Variants in DLG2 observed in about 807,000 individuals in gnomAD.
DLG2 encodes the protein discs large MAGUK scaffold protein 2.
Under a neutral mutation model 132.5 loss-of-function variants are expected in DLG2, and 45 were observed. The observed-to-expected ratio is 0.34, with a 90% CI of 0.27 to 0.44. DLG2 has a LOEUF of 0.44. DLG2 is among the 20% of genes least tolerant of loss of function. The probability of loss-of-function intolerance (pLI) is 1.00; values close to 1 mark genes in which losing one functional copy is unlikely to be tolerated. For synonymous variants in DLG2, 424 were observed against 419.6 expected (o/e 1.01, Z -0.13); for missense variants, 1,045 against 1,196.9 (o/e 0.87, Z 1.87).
At chr11:83,827,305 T>G (rs2053140611) in intron 17 of DLG2, among the ~76,000 whole-genome samples, 2 of 152,280 alleles carry the variant, frequency 1.3e-5, no homozygotes, top group South Asian at 4.1e-4. Context: ...ATAGTCTGTA[T>G]AGTGCTCATA....
chr11:85,249,045 C>A (rs1323548926), intron 4 of DLG2, among the ~76,000 whole-genome samples: 1 of 151,756 alleles, frequency 6.6e-6, no homozygotes, highest in Admixed American at 6.6e-5. Context: ...AAGAGTGTAG[C>A]CACTATAAGT....
intron 6 of DLG2, among the ~76,000 whole-genome samples, chr11:84,684,192 T>C (rs1363578221): frequency 6.6e-6 from 1 of 152,200 alleles, no homozygotes; most frequent in Non-Finnish European, 1.5e-5. Flanking sequence ...AAAAAATGTA[T>C]TGAAAGATCT....
intron 3 of DLG2, among the ~76,000 whole-genome samples, chr11:85,490,502 A>G (rs988740586): frequency 5.3e-5 from 8 of 152,060 alleles, no homozygotes; most frequent in African/African-American, 1.9e-4. Context: ...CAATGAAATG[A>G]AAAATTTGTT....
At chr11:83,920,956 T>C (rs1516625) in intron 15 of DLG2, among the ~76,000 whole-genome samples, 73,703 of 151,926 alleles carry the variant, frequency 0.49, 18,328 homozygotes, top group East Asian at 0.85. Flanking sequence ...GGTGTACTTT[T>C]CTCTGAAGCA....
chr11:85,016,795 T>G (rs893000690), intron 6 of DLG2, among the ~76,000 whole-genome samples: 1 of 152,128 alleles, frequency 6.6e-6, no homozygotes, highest in East Asian at 1.9e-4. Context: ...CTCAGTCTCC[T>G]AATAAAATTG....
intron 17 of DLG2, among the ~76,000 whole-genome samples, chr11:83,803,123 G>T (rs900704868): frequency 6.6e-6 from 1 of 152,050 alleles, no homozygotes; most frequent in African/African-American, 2.4e-5. Flanking sequence ...GAGTCCTAGG[G>T]TAATCAAATT....
intron 7 of DLG2, among the ~76,000 whole-genome samples, chr11:84,442,512 A>G (rs1273362672): frequency 3.3e-5 from 5 of 152,158 alleles, no homozygotes; most frequent in Non-Finnish European, 7.4e-5. Context: ...GGAACATCAC[A>G]CACTGAGGCC....
At chr11:84,248,153 G>T (rs2097327230) in intron 8 of DLG2, among the ~76,000 whole-genome samples, 1 of 152,114 alleles carries the variant, frequency 6.6e-6, no homozygotes, top group Non-Finnish European at 1.5e-5. Context: ...AGGAACAAAG[G>T]GGAGAGTTGG....
chr11:83,549,406 A>C (rs17145437), intron 19 of DLG2, among the ~76,000 whole-genome samples: 1,959 of 152,284 alleles, frequency 0.013, 44 homozygotes, highest in African/African-American at 0.045. Flanking sequence ...GAGGTTTGTC[A>C]TTCCTACATC....
intron 7 of DLG2, among the ~76,000 whole-genome samples, chr11:84,462,393 CAT>C (rs2099082748): frequency 6.6e-6 from 1 of 150,952 alleles, no homozygotes; most frequent in Non-Finnish European, 1.5e-5. Context: ...TGCAAATAAA[CAT>C]ATAAAATAAC....
chr11:85,034,969 A>C (rs1290575491), intron 6 of DLG2, among the ~76,000 whole-genome samples: 3 of 152,152 alleles, frequency 2.0e-5, no homozygotes, highest in Non-Finnish European at 4.4e-5. Context: ...CTCAACCTCA[A>C]TGCACCAGCC....
At position 84,153,564 on chromosome 11, in the gene DLG2, T is replaced by C. The variant is rs573551122; in HGVS notation, c.624+9897A>G. On this transcript the variant is annotated intron_variant, in intron 9 of 27. Transcript: ENST00000376104. Reference sequence around the variant, plus strand: ...AAAAAAAATATTTTTTCTTTATTTTTGTCTGACTGTGTTGATTCAAAAGAC... The same window carrying C: ...AAAAAAAATATTTTTTCTTTATTTTCGTCTGACTGTGTTGATTCAAAAGAC... Among the ~76,000 whole-genome samples, 15 of 152,356 alleles carry C rather than the reference T, an allele frequency of 9.8e-5. No homozygotes were observed. The South Asian group carries it at 3.1e-3, about 32-fold the overall frequency.
intron 10 of DLG2, among the ~76,000 whole-genome samples, chr11:84,076,259 G>C (rs1299330351): frequency 6.6e-6 from 1 of 152,192 alleles, no homozygotes; most frequent in East Asian, 1.9e-4. Context: ...GGAAGCAGAA[G>C]AGAGAAGCTT....
intron 6 of DLG2, among the ~76,000 whole-genome samples, chr11:85,016,614 C>A (rs900962246): frequency 4.6e-5 from 7 of 152,142 alleles, no homozygotes; most frequent in Non-Finnish European, 1.0e-4. Context: ...GGGAAAGGAA[C>A]TCACACACAC....
intron 6 of DLG2, among the ~76,000 whole-genome samples, chr11:84,732,775 T>C (rs997803182): frequency 6.6e-6 from 1 of 151,898 alleles, no homozygotes; most frequent in Non-Finnish European, 1.5e-5. Context: ...GTATATCTCC[T>C]AATGCTATCC....
At chr11:84,813,640 T>C (rs1308937475) in intron 6 of DLG2, among the ~76,000 whole-genome samples, 2 of 152,096 alleles carry the variant, frequency 1.3e-5, no homozygotes, top group Non-Finnish European at 2.9e-5. Flanking sequence ...GAATAACAGA[T>C]ATTGAGACAA....
chr11:85,068,888 C>T (rs1411721478), intron 6 of DLG2, among the ~76,000 whole-genome samples: 1 of 152,134 alleles, frequency 6.6e-6, no homozygotes, highest in Non-Finnish European at 1.5e-5. Flanking sequence ...ATCACTCTAC[C>T]TGACTTCAAA....
At chr11:83,644,523 C>CTT (rs2067543422) in intron 18 of DLG2, among the ~76,000 whole-genome samples, 2 of 152,020 alleles carry the variant, frequency 1.3e-5, no homozygotes, top group South Asian at 4.2e-4. Flanking sequence ...TGAAGATTAC[C>CTT]TTTTACTCCT....
chr11:85,597,297 C>T (rs1416097764), intron 3 of DLG2, among the ~76,000 whole-genome samples: 1 of 152,072 alleles, frequency 6.6e-6, no homozygotes, highest in Middle Eastern at 3.2e-3. Flanking sequence ...TAAGTAAACA[C>T]ATCATACAAG....
Sources: gnomAD v4.1 joint callset for allele counts (sites outside exome capture counted in the v4.1 genomes callset) on GRCh38, gnomAD v4.1.1 for gene constraint, MANE v1.5 for transcripts, NCBI Gene and HGNC (gene_info 2026-07-23, HGNC 2026-07-21) for gene names.